The following NRBF2 variants were observed in gnomAD, a reference collection of about 807,000 sequenced individuals.
NRBF2 encodes nuclear receptor-binding factor 2.
Under a neutral mutation model 28.5 loss-of-function variants are expected in NRBF2, and 12 were observed. The observed-to-expected ratio is 0.42, with a 90% CI of 0.27 to 0.68. NRBF2 has a LOEUF of 0.68. NRBF2 is among the 30% of genes least tolerant of loss of function. The pLI is 0.24. For synonymous variants in NRBF2, 102 were observed against 116.5 expected, an observed-to-expected ratio of 0.88 and a Z score of 0.80; for missense variants, 274 against 333.5, an observed-to-expected ratio of 0.82 and a Z score of 1.39.
intron 2 of NRBF2, among the ~76,000 whole-genome samples, chr10:63,147,322 T>A (rs925895964): frequency 1.0e-4 from 11 of 107,318 alleles, no homozygotes; most frequent in East Asian, 9.5e-4. Flanking sequence ...AAAATTAAAA[T>A]TTTTTTTTTT....
chr10:63,135,109 C>A (rs980075870), intron 1 of NRBF2, among the ~76,000 whole-genome samples: 2 of 152,208 alleles, frequency 1.3e-5, no homozygotes, highest in Non-Finnish European at 2.9e-5. Flanking sequence ...ATCGCTTGAG[C>A]CCAGGAGGTG....
chr10:63,150,474 A>G (rs2132694429), intron 2 of NRBF2: 1 of 453,048 alleles, frequency 2.2e-6, no homozygotes, highest in African/African-American at 2.2e-5. Flanking sequence ...CTAGTCTTGA[A>G]CTCCTGGGCT....
intron 1 of NRBF2, among the ~76,000 whole-genome samples, chr10:63,143,559 G>A (rs1407807701): frequency 6.6e-6 from 1 of 151,738 alleles, no homozygotes; most frequent in Non-Finnish European, 1.5e-5. Flanking sequence ...CCGGGTTGAA[G>A]CGGCGATTCT....
rs1234672765 is a variant in NRBF2 at position 63,154,342 on chromosome 10, G to A, written c.*124G>A. 6 of 673,282 alleles carry A rather than the reference G, an allele frequency of 8.9e-6. No individual in the cohort carries two copies. Among genetic ancestry groups the A allele is most frequent in the Non-Finnish European group, 1.3e-5 (5 of 398,896 alleles). The allele number at this position is 673,282 out of a possible 1,614,324, so 41.7% of individuals were successfully genotyped here. On this transcript the variant is annotated 3_prime_UTR_variant, in exon 4 of 4. Coordinates refer to ENST00000277746, the MANE Select transcript of NRBF2 (RefSeq NM_030759.5). ...CCGGAAATGCTTCATCTGGTGGACT[G>A]TGGGAGCAGAGGCATTGCCAGGACT...
chr10:63,150,395 G>GT, intron 2 of NRBF2: 2 of 965,592 alleles, frequency 2.1e-6, no homozygotes, highest in Non-Finnish European at 2.5e-6. Context: ...AACCAACTCT[G>GT]TTTTTTCTTT....
At chr10:63,142,367 G>T (rs764211722) in intron 1 of NRBF2, among the ~76,000 whole-genome samples, 8 of 147,898 alleles carry the variant, frequency 5.4e-5, no homozygotes, top group African/African-American at 9.8e-5. Flanking sequence ...GCAATGGCAC[G>T]ATCTCAGCTC....
chr10:63,141,500 C>T (rs1182926848), intron 1 of NRBF2, among the ~76,000 whole-genome samples: 3 of 152,198 alleles, frequency 2.0e-5, no homozygotes, highest in Non-Finnish European at 1.5e-5. Context: ...ATATTGTCAA[C>T]TTCTTGATGG....
chr10:63,139,429 T>G (rs1841428476), intron 1 of NRBF2, among the ~76,000 whole-genome samples: 1 of 152,202 alleles, frequency 6.6e-6, no homozygotes, highest in African/African-American at 2.4e-5. Flanking sequence ...ACATGTATTT[T>G]TGAAGCAGTT....
chr10:63,141,387 G>T (rs1417837490), intron 1 of NRBF2, among the ~76,000 whole-genome samples: 1 of 152,150 alleles, frequency 6.6e-6, no homozygotes, highest in African/African-American at 2.4e-5. Context: ...AGTGAGCTAT[G>T]ATTGCACCAC....
At chr10:63,146,721 A>G (rs891857430) in intron 2 of NRBF2, among the ~76,000 whole-genome samples, 6 of 152,332 alleles carry the variant, frequency 3.9e-5, no homozygotes, top group East Asian at 3.9e-4. Context: ...AACTTACTAT[A>G]AGACTTTTGT....
intron 1 of NRBF2, 144 bp from the exon 2 acceptor site, chr10:63,146,065 C>G: frequency 1.5e-6 from 1 of 669,626 alleles, no homozygotes; most frequent in Non-Finnish European, 2.6e-6. Context: ...ATTACATTTC[C>G]CCAGCTACAG....
At chr10:63,147,143 G>A (rs1159290566) in intron 2 of NRBF2, among the ~76,000 whole-genome samples, 2 of 152,100 alleles carry the variant, frequency 1.3e-5, no homozygotes, top group Non-Finnish European at 2.9e-5. Flanking sequence ...TGGCAGGCAT[G>A]TTCCTTTCCC....
intron 1 of NRBF2, among the ~76,000 whole-genome samples, chr10:63,138,010 AG>A (rs1841400922): frequency 6.6e-6 from 1 of 152,198 alleles, no homozygotes; most frequent in Non-Finnish European, 1.5e-5. Context: ...TTTGAAATGC[AG>A]GGTAAGTGGT....
chr10:63,142,576 A>G (rs959633853), intron 1 of NRBF2, among the ~76,000 whole-genome samples: 4 of 152,000 alleles, frequency 2.6e-5, no homozygotes, highest in African/African-American at 9.7e-5. Context: ...AAACATGTTC[A>G]TTAGAGAAAT....
chr10:63,133,562 G>C, intron 1 of NRBF2, 62 bp downstream of exon 1: 1 of 1,295,834 alleles, frequency 7.7e-7, no homozygotes, highest in South Asian at 1.2e-5. Flanking sequence ...GCCCGGCCCC[G>C]TCCCCGGCGC....
In NRBF2 at chr10:63,153,569, A is replaced by G. The variant is rs772753289; in HGVS notation, c.215A>G (p.Gln72Arg). ...DSHMKQLLLI[Q>R]ERWKRAQREE... The stretch of plus-strand genomic sequence containing the variant: ...CATATGAAACAGCTCCTCCTCATCC[A>G]AGAGAGATGGAAAAGGGCCCAGCGT... The change falls in exon 4 of 4, where the codon CAA (glutamine) becomes CGA (arginine). Residue 72 changes from glutamine (Q) to arginine (R), a missense_variant. Physicochemically the swap from Gln to Arg is conservative, Grantham distance 43. Transcript: ENST00000277746. 3.1e-6 allele frequency: 5 copies of G among 1,612,002 alleles called. No homozygotes were observed. Among genetic ancestry groups the G allele is most frequent in the East Asian group, 2.2e-5 (1 of 44,884 alleles).
chr10:63,137,300 A>T (rs1589015846), intron 1 of NRBF2, among the ~76,000 whole-genome samples: 1 of 152,364 alleles, frequency 6.6e-6, no homozygotes, highest in Middle Eastern at 3.4e-3. Flanking sequence ...TGGAAAAATT[A>T]TAACTTATAA....
At chr10:63,150,714 GAAAT>G (rs990828414) in intron 2 of NRBF2, among the ~76,000 whole-genome samples, 4 of 152,206 alleles carry the variant, frequency 2.6e-5, no homozygotes, top group East Asian at 1.9e-4. Context: ...TGTAATAATA[GAAAT>G]AAATAATTAT....
chr10:63,136,777 C>G (rs774548118), intron 1 of NRBF2, among the ~76,000 whole-genome samples: 10 of 152,176 alleles, frequency 6.6e-5, no homozygotes, highest in Admixed American at 1.3e-4. Context: ...CATTTATTAC[C>G]TCTGCTCCAG....
Sources: gnomAD v4.1 joint callset for allele counts (sites outside exome capture counted in the v4.1 genomes callset) on GRCh38, gnomAD v4.1.1 for gene constraint, MANE v1.5 for transcripts, NCBI Gene and HGNC (gene_info 2026-07-23, HGNC 2026-07-21) for gene names.